The following ATXN1 variants were observed in gnomAD, a reference collection of about 807,000 sequenced individuals.
ATXN1 encodes ataxin 1.
ATXN1 carries 8 observed loss-of-function variants against 56.4 expected under a neutral mutation model. The ratio of observed to expected loss-of-function variants is 0.14; its 90% CI spans 0.08 to 0.26. The LOEUF (loss-of-function observed/expected upper bound fraction) is 0.26. Among genes scored for constraint, ATXN1 ranks in the 10% least tolerant of loss-of-function variants. The pLI is 1.00. For missense variants in ATXN1, 987 were observed against 1,106.5 expected (o/e 0.89, Z 1.53); for synonymous variants, 514 against 494.6 (o/e 1.04, Z -0.52).
chr6:16,486,853 CTG>C (rs1454626662), intron 5 of ATXN1, among the ~76,000 whole-genome samples: 1 of 152,150 alleles, frequency 6.6e-6, no homozygotes, highest in Non-Finnish European at 1.5e-5. Context: ...GTTTGCGACA[CTG>C]TGAAATTTTC....
chr6:16,652,454 G>T (rs1278430083), intron 3 of ATXN1, among the ~76,000 whole-genome samples: 1 of 152,142 alleles, frequency 6.6e-6, no homozygotes, highest in African/African-American at 2.4e-5. Context: ...TCCTACCATG[G>T]ATGGTTACTT....
intron 6 of ATXN1, among the ~76,000 whole-genome samples, chr6:16,395,040 C>T (rs910738659): frequency 2.6e-5 from 4 of 151,986 alleles, no homozygotes; most frequent in South Asian, 2.1e-4. Flanking sequence ...ACTCCTGAGG[C>T]GAGGCGGATC....
intron 3 of ATXN1, among the ~76,000 whole-genome samples, chr6:16,627,722 A>G (rs1240312962): frequency 2.6e-5 from 4 of 152,126 alleles, no homozygotes; most frequent in Non-Finnish European, 4.4e-5. Context: ...GCAAGACTCC[A>G]TCTCAAAGCA....
intron 3 of ATXN1, among the ~76,000 whole-genome samples, chr6:16,637,149 T>C (rs2092299): frequency 0.4 from 60,466 of 151,978 alleles, 12,789 homozygotes; most frequent in African/African-American, 0.54. Flanking sequence ...ATATACACCA[T>C]GGAATACTAT....
At chr6:16,629,856 G>A (rs1414729602) in intron 3 of ATXN1, among the ~76,000 whole-genome samples, 1 of 151,490 alleles carries the variant, frequency 6.6e-6, no homozygotes, top group African/African-American at 2.4e-5. Context: ...GGCAGAGGTT[G>A]CAGTGAGCCG....
intron 6 of ATXN1, among the ~76,000 whole-genome samples, chr6:16,384,661 T>C (rs1758200786): frequency 6.6e-6 from 1 of 152,224 alleles, no homozygotes; most frequent in African/African-American, 2.4e-5. Flanking sequence ...TCTGTTCTCA[T>C]GATAGTGAGT....
chr6:16,445,674 TC>T (rs1759619446), intron 6 of ATXN1, among the ~76,000 whole-genome samples: 1 of 53,008 alleles, frequency 1.9e-5, no homozygotes. Context: ...CCCTCCCCCC[TC>T]CCCCCACCCC....
At chr6:16,390,584 T>C (rs979693754) in intron 6 of ATXN1, among the ~76,000 whole-genome samples, 10 of 152,064 alleles carry the variant, frequency 6.6e-5, no homozygotes, top group African/African-American at 2.2e-4. Context: ...GGCTTATCTA[T>C]CTCTAGCGTC....
In ATXN1 at chr6:16,410,542, C is replaced by A. The variant is rs1443887780; in HGVS notation, c.-161+75430G>T. Among the ~76,000 whole-genome samples the A allele has an allele frequency of 6.6e-6, 1 of 152,208 alleles. No individual in the cohort carries two copies. The highest frequency in any genetic ancestry group is 1.5e-5 in the Non-Finnish European group (1 of 68,032). ...TGGTTCAACCAGTGATTTGTCTAAA[C>A]CTGTTTGAGGATTCTTTCTAACATA... On this transcript the variant is annotated intron_variant, in intron 6 of 7. Coordinates refer to ENST00000436367, the MANE Select transcript of ATXN1 (RefSeq NM_001128164.2). This position sits in a 1 kb window ranked among gnomAD's most constrained non-coding sequence, Gnocchi z 4.6.
intron 6 of ATXN1, among the ~76,000 whole-genome samples, chr6:16,373,072 A>G (rs1332689170): frequency 2.0e-5 from 3 of 152,240 alleles, no homozygotes. Flanking sequence ...GTGGAGGGAC[A>G]CATAGGGCCA....
chr6:16,587,492 A>G (rs1176331939), intron 3 of ATXN1, among the ~76,000 whole-genome samples: 3 of 152,258 alleles, frequency 2.0e-5, no homozygotes, highest in Non-Finnish European at 4.4e-5. Flanking sequence ...CAAGAAATCA[A>G]CAAAATTATG....
intron 6 of ATXN1, among the ~76,000 whole-genome samples, chr6:16,352,575 G>A (rs1279517707): frequency 6.6e-6 from 1 of 152,154 alleles, no homozygotes; most frequent in African/African-American, 2.4e-5. Flanking sequence ...AATGATCACA[G>A]CAAGGGAATT....
chr6:16,713,240 G>C (rs1288507104), intron 2 of ATXN1, among the ~76,000 whole-genome samples: 1 of 152,184 alleles, frequency 6.6e-6, no homozygotes, highest in African/African-American at 2.4e-5. Context: ...CCATGAATAA[G>C]TTTCAATACA....
intron 6 of ATXN1, among the ~76,000 whole-genome samples, chr6:16,431,982 G>A (rs1426718432): frequency 6.6e-6 from 1 of 152,168 alleles, no homozygotes. Flanking sequence ...CTGCGCAGGA[G>A]TTTTGGTGGT....
At chr6:16,651,228 G>C (rs1419015897) in intron 3 of ATXN1, among the ~76,000 whole-genome samples, 1 of 152,142 alleles carries the variant, frequency 6.6e-6, no homozygotes, top group Admixed American at 6.5e-5. Flanking sequence ...GTGGAGAAGA[G>C]TGGGTAAACT....
chr6:16,577,565 C>T (rs1052608595), intron 4 of ATXN1, among the ~76,000 whole-genome samples: 5 of 150,992 alleles, frequency 3.3e-5, no homozygotes, highest in African/African-American at 9.7e-5. Context: ...TGTGGTTTAC[C>T]GCTTAACAGA....
At chr6:16,668,595 G>C (rs1408735880) in intron 2 of ATXN1, among the ~76,000 whole-genome samples, 1 of 151,830 alleles carries the variant, frequency 6.6e-6, no homozygotes, top group Non-Finnish European at 1.5e-5. Flanking sequence ...TCAGGGAAGA[G>C]AATTAGGTCT....
At chr6:16,346,679 T>G (rs940233864) in intron 6 of ATXN1, among the ~76,000 whole-genome samples, 3 of 152,222 alleles carry the variant, frequency 2.0e-5, no homozygotes, top group African/African-American at 7.2e-5. Flanking sequence ...GGTCTCACTC[T>G]GTCACCCAGG....
chr6:16,586,689 G>T (rs773175592), intron 3 of ATXN1, among the ~76,000 whole-genome samples: 11 of 152,136 alleles, frequency 7.2e-5, no homozygotes, highest in Non-Finnish European at 1.3e-4. Context: ...ATCTCTTCAA[G>T]GCTGATCTTT....
Sources: allele counts gnomAD v4.1 joint callset (sites outside exome capture counted in the v4.1 genomes callset), GRCh38; gene constraint gnomAD v4.1.1; non-coding constraint Gnocchi (gnomAD v3.1); transcripts MANE v1.5; gene names NCBI Gene and HGNC (gene_info 2026-07-23, HGNC 2026-07-21).